Variants in ATRX observed in about 807,000 individuals in gnomAD.
ATRX encodes chromatin remodeler ATRX.
In ATRX, 12 loss-of-function variants were observed where a neutral mutation model predicts 172.6. That is an observed-to-expected ratio of 0.07 (90% CI 0.04 to 0.11). The LOEUF (loss-of-function observed/expected upper bound fraction) is 0.11, where lower values mean the gene tolerates loss of function less well. Ranked by LOEUF, ATRX falls within the 10% of genes least tolerant of loss-of-function variation. The pLI, the probability that ATRX is intolerant of heterozygous loss-of-function variation, is 1.00. For missense variants in ATRX, 1,368 were observed against 1,767.4 expected, an observed-to-expected ratio of 0.77 and a Z score of 4.05; for synonymous variants, 674 against 594.7, an observed-to-expected ratio of 1.13 and a Z score of -1.94.
intron 22 of ATRX, among the ~76,000 whole-genome samples, chrX:77,609,701 T>G (rs1428834955): frequency 1.8e-5 from 2 of 111,664 alleles, no homozygotes; most frequent in Non-Finnish European, 3.8e-5. Context: ...GGTCTTGAAC[T>G]CCTGCCCTTA....
At chrX:77,547,465 T>C (rs782767905) in intron 30 of ATRX, among the ~76,000 whole-genome samples, 8 of 111,631 alleles carry the variant, frequency 7.2e-5, no homozygotes, top group Non-Finnish European at 1.3e-4. Context: ...GTTTTTCTTG[T>C]GTCATAAGGT....
chrX:77,630,079 C>T (rs542053093), intron 19 of ATRX, among the ~76,000 whole-genome samples: 62 of 111,905 alleles, frequency 5.5e-4, no homozygotes, highest in South Asian at 2.9e-3. Flanking sequence ...TATTTCTATA[C>T]ACTAACAAAG....
chrX:77,717,995 C>A (rs1466942033), intron 1 of ATRX, among the ~76,000 whole-genome samples: 1 of 111,256 alleles, frequency 9.0e-6, no homozygotes, highest in Non-Finnish European at 1.9e-5. Context: ...GTCATATTAT[C>A]ATTAGGCACC....
In ATRX at chrX:77,683,799, T is replaced by C. The variant is rs1557141620; in HGVS notation, c.1457A>G (p.Asn486Ser). The C allele has an allele frequency of 8.3e-7, 1 of 1,208,831 alleles. No individual in the cohort carries two copies. Among genetic ancestry groups the C allele is most frequent in the African/African-American group, 1.7e-5 (1 of 57,289 alleles). ...CTTATGTTCACCACCGGTACTTTTA[T>C]TTGTTCTTTGTTCCTCTGTTGGAAC... is the stretch of plus-strand genomic sequence containing the variant. ...QNVPTEEQRT[N>S]KSTGGEHKKS... Residue 486 changes from asparagine (N) to serine (S), a missense_variant, in exon 9 of 35, where the codon AAT becomes AGT. Physicochemically the swap from Asn to Ser is conservative, Grantham distance 46. This residue lies in a region of ATRX where 843 missense variants were observed against 643.1 expected (regional missense o/e 1.31). Coordinates refer to ENST00000373344, the MANE Select transcript of ATRX (RefSeq NM_000489.6).
At chrX:77,725,585 C>T (rs2148790822) in intron 1 of ATRX, among the ~76,000 whole-genome samples, 1 of 111,733 alleles carries the variant, frequency 8.9e-6, no homozygotes, top group African/African-American at 3.3e-5. Flanking sequence ...GTCTAAAACA[C>T]CAAAAGCAAT....
intron 24 of ATRX, 24 bp from the exon 25 acceptor site, chrX:77,599,604 CA>C: frequency 1.7e-6 from 2 of 1,201,523 alleles, no homozygotes; most frequent in Non-Finnish European, 2.3e-6. Context: ...AACAAACAAA[CA>C]AAAAAACACA....
chrX:77,760,311 AC>A (rs2075669084), intron 1 of ATRX, among the ~76,000 whole-genome samples: 1 of 108,537 alleles, frequency 9.2e-6, no homozygotes, highest in Non-Finnish European at 1.9e-5. Context: ...GGTGCCACTT[AC>A]ATAAACGTAT....
intron 1 of ATRX, among the ~76,000 whole-genome samples, chrX:77,761,419 C>T (rs1410409040): frequency 9.1e-6 from 1 of 110,478 alleles, no homozygotes; most frequent in Admixed American, 9.8e-5. Context: ...CACCTGTAGT[C>T]CCAGCTACTT....
chrX:77,773,810 C>T (rs1022739674), intron 1 of ATRX, among the ~76,000 whole-genome samples: 1 of 110,964 alleles, frequency 9.0e-6, no homozygotes, highest in Non-Finnish European at 1.9e-5. Flanking sequence ...AGGCATTATA[C>T]ACCTCCTGAT....
intron 30 of ATRX, among the ~76,000 whole-genome samples, chrX:77,551,127 T>C (rs1396483070): frequency 1.8e-5 from 2 of 111,570 alleles, no homozygotes; most frequent in African/African-American, 6.5e-5. Flanking sequence ...TTAAAGTTCA[T>C]ATGGAACCAA....
intron 1 of ATRX, among the ~76,000 whole-genome samples, chrX:77,741,494 C>T (rs782806984): frequency 4.5e-5 from 5 of 110,082 alleles, no homozygotes; most frequent in East Asian, 2.9e-4. Context: ...TGGAGTCTTG[C>T]GCTCTCGCCC....
intron 25 of ATRX, 124 bp from the exon 26 acceptor site, chrX:77,593,973 G>A (rs1361394292): frequency 3.2e-6 from 2 of 630,383 alleles, no homozygotes; most frequent in African/African-American, 4.5e-5. Context: ...CTTGGGAGAG[G>A]GGAGGGAAAA....
At chrX:77,604,901 G>A (rs1196755559) in intron 22 of ATRX, among the ~76,000 whole-genome samples, 1 of 112,231 alleles carries the variant, frequency 8.9e-6, no homozygotes, top group African/African-American at 3.2e-5. Flanking sequence ...TTGAGACACA[G>A]AAAGATAAAT....
intron 9 of ATRX, among the ~76,000 whole-genome samples, chrX:77,679,216 C>T (rs1290102745): frequency 9.0e-6 from 1 of 110,919 alleles, no homozygotes; most frequent in Non-Finnish European, 1.9e-5. Context: ...AGGTTAAATT[C>T]CCTAACAAAT....
chrX:77,518,147 A>G (rs1393025406), intron 34 of ATRX, among the ~76,000 whole-genome samples: 1 of 112,254 alleles, frequency 8.9e-6, no homozygotes, highest in Non-Finnish European at 1.9e-5. Flanking sequence ...GTTATTCAAC[A>G]TAGTTCTGCA....
At chrX:77,617,675 A>C (rs183646644) in intron 21 of ATRX, among the ~76,000 whole-genome samples, 29 of 111,192 alleles carry the variant, frequency 2.6e-4, no homozygotes, top group Admixed American at 4.8e-4. Flanking sequence ...AAGTCTGTAC[A>C]TGTTCAGTAC....
At chrX:77,777,657 T>C (rs1429842503) in intron 1 of ATRX, among the ~76,000 whole-genome samples, 1 of 111,475 alleles carries the variant, frequency 9.0e-6, no homozygotes. Context: ...ATAATCCAAA[T>C]AAGCAAAATA....
Position 77,671,167 on chromosome X carries a change from A to AT in ATRX, c.3809+5058_3809+5059insA, listed in dbSNP as rs1557129938. ...TGTCTCAAAAAAAAAAAAAAAAAAA[A>AT]ATATATATATATATATATATATATA... is the stretch of plus-strand genomic sequence containing the variant. On this transcript the variant is annotated intron_variant, in intron 10 of 34. Coordinates refer to ENST00000373344, the MANE Select transcript of ATRX (RefSeq NM_000489.6). Among the ~76,000 whole-genome samples, 53 of 15,711 alleles carry AT rather than the reference A, an allele frequency of 3.4e-3. 1 individual carries two copies. Among genetic ancestry groups the AT allele is most frequent in the East Asian group, 0.017 (11 of 656 alleles). The allele number at this position is 15,711 out of a possible 115,157, so 13.6% of individuals were successfully genotyped here.
Position 77,681,754 on chromosome X carries a change from T to C in ATRX, c.3502A>G (p.Lys1168Glu). Reference protein sequence around the residue: ...AEESSEDNKKKKQRTSSKKKA... With the variant: ...AEESSEDNKKEKQRTSSKKKA... ...TTTTTAGATGAAGTTCTTTGCTTCT[T>C]CTTTTTATTATCTTCAGAACTTTCC... The change falls in exon 9 of 35, where the codon AAG becomes GAG. Residue 1168 changes from lysine (K) to glutamate (E), a missense_variant. By Grantham distance (56) the Lys-to-Glu change is moderately conservative. Around this residue, in one of 17 missense-constraint regions of ATRX, gnomAD observed 843 missense variants for 643.1 expected, o/e 1.31. Transcript: ENST00000373344. 1 of 1,202,390 alleles carries C rather than the reference T, an allele frequency of 8.3e-7. No individual in the cohort carries two copies.
Sources: allele counts gnomAD v4.1 joint callset (sites outside exome capture counted in the v4.1 genomes callset), GRCh38; gene constraint gnomAD v4.1.1; regional missense constraint gnomAD v4.1.1; transcripts MANE v1.5; gene names NCBI Gene and HGNC (gene_info 2026-07-23, HGNC 2026-07-21).